FAT3: variants seen among roughly 807,000 people sequenced by gnomAD.
FAT3 encodes protocadherin Fat 3.
A neutral mutation model predicts 310.2 loss-of-function variants in FAT3; 95 were observed. The ratio of observed to expected loss-of-function variants is 0.31; its 90% CI spans 0.26 to 0.36. The LOEUF is 0.36. FAT3 is among the 10% of genes least tolerant of loss of function. The probability of loss-of-function intolerance (pLI) is 1.00; values close to 1 mark genes in which losing one functional copy is unlikely to be tolerated. For synonymous variants in FAT3, 2,314 were observed against 2,192.9 expected, an observed-to-expected ratio of 1.06 and a Z score of -1.54; for missense variants, 5,408 against 5,715.6, an observed-to-expected ratio of 0.95 and a Z score of 1.74.
At chr11:92,377,787 GA>G (rs1949385561) in intron 2 of FAT3, among the ~76,000 whole-genome samples, 1 of 152,156 alleles carries the variant, frequency 6.6e-6, no homozygotes, top group Admixed American at 6.5e-5. Flanking sequence ...GGAAGGAAAG[GA>G]AAAGAAAGAA....
At chr11:92,595,582 A>C (rs767487229) in intron 3 of FAT3, among the ~76,000 whole-genome samples, 1 of 152,188 alleles carries the variant, frequency 6.6e-6, no homozygotes, top group Admixed American at 6.5e-5. Context: ...TGAACTAAGA[A>C]AGAAAAGAAC....
intron 3 of FAT3, among the ~76,000 whole-genome samples, chr11:92,670,715 G>A (rs185271654): frequency 6.6e-6 from 1 of 152,282 alleles, no homozygotes; most frequent in East Asian, 1.9e-4. Context: ...AAAAGAAATG[G>A]CTTGAGTTTC....
chr11:92,444,660 G>GC (rs1951166982), intron 2 of FAT3, among the ~76,000 whole-genome samples: 1 of 112,912 alleles, frequency 8.9e-6, no homozygotes, highest in African/African-American at 3.9e-5. Context: ...GGATATTACT[G>GC]GGGGGGGGGG....
intron 1 of FAT3, among the ~76,000 whole-genome samples, chr11:92,319,660 A>T (rs895405357): frequency 9.9e-5 from 15 of 152,204 alleles, no homozygotes; most frequent in Non-Finnish European, 1.6e-4. Context: ...GAGGATTTGA[A>T]ATATTACGAG....
In FAT3 at chr11:92,801,302, C is replaced by A; in HGVS notation, c.8289C>A (p.Gly2763=). 1.2e-6 allele frequency: 2 copies of A among 1,613,910 alleles called. No individual in the cohort carries two copies. Among genetic ancestry groups the A allele is most frequent in the Non-Finnish European group, 1.7e-6 (2 of 1,179,862 alleles). ...TATTCGTCATAGAACAGGAAACAGG[C>A]ACTATTAAGCTTGACAAACGCCTTG... is the stretch of plus-strand genomic sequence containing the variant. ...GGIFVIEQET[G]TIKLDKRLDR... is the part of the protein sequence containing the mutation. The change falls in exon 10 of 28, where the codon GGC becomes GGA. Residue 2763 remains glycine, a synonymous_variant. Coordinates refer to ENST00000525166, the MANE Select transcript of FAT3 (RefSeq NM_001367949.2).
chr11:92,341,939 G>T (rs969373743), intron 1 of FAT3, among the ~76,000 whole-genome samples: 4 of 152,064 alleles, frequency 2.6e-5, no homozygotes, highest in African/African-American at 9.7e-5. Flanking sequence ...TTAGAGAGCT[G>T]AGTGTGTATC....
At chr11:92,671,671 A>G (rs548993711) in intron 3 of FAT3, among the ~76,000 whole-genome samples, 2 of 152,256 alleles carry the variant, frequency 1.3e-5, no homozygotes, top group East Asian at 1.9e-4. Flanking sequence ...TTATTTGTTT[A>G]ACATGTGTCT....
chr11:92,879,377 T>G (rs1949619824), intron 22 of FAT3, among the ~76,000 whole-genome samples: 1 of 152,108 alleles, frequency 6.6e-6, no homozygotes, highest in Non-Finnish European at 1.5e-5. Flanking sequence ...GTGAAGCCAG[T>G]CAGAGGGCCT....
At chr11:92,635,168 C>T (rs1166924460) in intron 3 of FAT3, among the ~76,000 whole-genome samples, 1 of 152,172 alleles carries the variant, frequency 6.6e-6, no homozygotes, top group East Asian at 1.9e-4. Context: ...CCTTGTGCTG[C>T]TCCCCTGTTC....
rs1388231797 is a variant in FAT3 at position 92,857,354 on chromosome 11, G to T, written c.11500+6G>T. 4 of 1,613,804 alleles carry T rather than the reference G, an allele frequency of 2.5e-6. No homozygotes were observed. The African/African-American group carries it at 5.3e-5, about 22-fold the overall frequency. Reference sequence around the variant, plus strand: ...GAAGCTCGGAGAGTGCTCAGGTGCAGAGTGGAGTGGAATGATGCAGATCTA... The same window carrying T: ...GAAGCTCGGAGAGTGCTCAGGTGCATAGTGGAGTGGAATGATGCAGATCTA... On this transcript the variant is annotated splice_donor_region_variant and intron_variant, in intron 20 of 27. Coordinates refer to ENST00000525166, the MANE Select transcript of FAT3 (RefSeq NM_001367949.2).
rs550442200 is a variant in FAT3 at position 92,468,820 on chromosome 11, G to A, written c.3293-55814G>A. Among the ~76,000 whole-genome samples, 4 of 152,216 alleles carry A rather than the reference G, an allele frequency of 2.6e-5. No homozygotes were observed. In the East Asian group the frequency reaches 5.8e-4, roughly 22 times the overall value. ...TCATGAGAACACCATGGAGGTAAGC[G>A]CCCCCATGATGGGAACTACAGTTGA... On this transcript the variant is annotated intron_variant, in intron 2 of 27. Coordinates refer to ENST00000525166, the MANE Select transcript of FAT3 (RefSeq NM_001367949.2).
chr11:92,446,155 C>T (rs1010573605), intron 2 of FAT3, among the ~76,000 whole-genome samples: 7 of 152,102 alleles, frequency 4.6e-5, no homozygotes, highest in East Asian at 1.9e-4. Context: ...AAAAAAGAAA[C>T]GCCTGTGGCA....
intron 3 of FAT3, among the ~76,000 whole-genome samples, chr11:92,681,985 T>C (rs1943494423): frequency 6.6e-6 from 1 of 152,232 alleles, no homozygotes; most frequent in African/African-American, 2.4e-5. Flanking sequence ...CCTGTGCACT[T>C]TCACATATTG....
intron 1 of FAT3, among the ~76,000 whole-genome samples, chr11:92,232,604 G>GTGC (rs1864229915): frequency 9.4e-6 from 1 of 105,944 alleles, no homozygotes; most frequent in Non-Finnish European, 1.9e-5. Flanking sequence ...TTGTCATTTT[G>GTGC]TGCTTCTTGA....
intron 4 of FAT3, among the ~76,000 whole-genome samples, chr11:92,702,200 A>G (rs931452386): frequency 1.3e-5 from 2 of 152,184 alleles, no homozygotes; most frequent in Non-Finnish European, 2.9e-5. Flanking sequence ...ATGTTCCATG[A>G]ATGGTAGCCA....
chr11:92,245,170 G>A (rs1864847318), intron 1 of FAT3, among the ~76,000 whole-genome samples: 1 of 152,066 alleles, frequency 6.6e-6, no homozygotes. Flanking sequence ...ATAAAAAAAG[G>A]ATGAGTTCAT....
intron 2 of FAT3, among the ~76,000 whole-genome samples, chr11:92,382,184 A>G (rs1261571215): frequency 6.6e-6 from 1 of 152,200 alleles, no homozygotes; most frequent in Non-Finnish European, 1.5e-5. Context: ...AATAGTAAAA[A>G]GACATGGCTT....
intron 13 of FAT3, among the ~76,000 whole-genome samples, chr11:92,814,738 T>G (rs1223285631): frequency 1.3e-5 from 2 of 152,040 alleles, no homozygotes; most frequent in Non-Finnish European, 2.9e-5. Flanking sequence ...AGGAAGAACA[T>G]CAGGACAAAT....
chr11:92,595,257 G>T (rs1437064979), intron 3 of FAT3, among the ~76,000 whole-genome samples: 1 of 152,062 alleles, frequency 6.6e-6, no homozygotes, highest in Non-Finnish European at 1.5e-5. Flanking sequence ...AAGCAAGTAT[G>T]GAGGAGGAGT....
Sources: gnomAD v4.1 joint callset for allele counts (sites outside exome capture counted in the v4.1 genomes callset) on GRCh38, gnomAD v4.1.1 for gene constraint, MANE v1.5 for transcripts, NCBI Gene and HGNC (gene_info 2026-07-23, HGNC 2026-07-21) for gene names.